BABAM2: variants seen among roughly 807,000 people sequenced by gnomAD.
BABAM2 encodes BRISC and BRCA1 A complex member 2.
Under a neutral mutation model 54.7 loss-of-function variants are expected in BABAM2, and 31 were observed. That is an observed-to-expected ratio of 0.57 (90% confidence interval 0.43 to 0.77). The LOEUF (loss-of-function observed/expected upper bound fraction) is 0.77, where lower values mean the gene tolerates loss of function less well. Ranked by LOEUF, BABAM2 falls within the 30% of genes least tolerant of loss-of-function variation. The pLI is 0.00. For missense variants in BABAM2, 364 were observed against 455.8 expected (o/e 0.80, Z 1.83); for synonymous variants, 167 against 162.9 (o/e 1.03, Z -0.19).
At chr2:27,950,103 A>G (rs966256010) in intron 3 of BABAM2, among the ~76,000 whole-genome samples, 2 of 152,218 alleles carry the variant, frequency 1.3e-5, no homozygotes, top group African/African-American at 4.8e-5. Flanking sequence ...TTTCAGAGAA[A>G]TCAACTGTGG....
chr2:28,076,433 G>A (rs1664670699), intron 6 of BABAM2, among the ~76,000 whole-genome samples: 1 of 151,560 alleles, frequency 6.6e-6, no homozygotes, highest in Admixed American at 6.6e-5. Flanking sequence ...TTAAATCCTA[G>A]ATAACCATTG....
chr2:28,282,233 C>T (rs1054734759), intron 10 of BABAM2, among the ~76,000 whole-genome samples: 1 of 152,144 alleles, frequency 6.6e-6, no homozygotes, highest in African/African-American at 2.4e-5. Flanking sequence ...AAAACAAGGA[C>T]ATGGAAACAT....
chr2:28,118,237 G>A (rs1419154713), intron 6 of BABAM2, among the ~76,000 whole-genome samples: 1 of 152,214 alleles, frequency 6.6e-6, no homozygotes, highest in African/African-American at 2.4e-5. Flanking sequence ...TATATACCCA[G>A]TAATGGGATT....
At chr2:27,937,760 G>A (rs1394783102) in intron 3 of BABAM2, among the ~76,000 whole-genome samples, 1 of 152,046 alleles carries the variant, frequency 6.6e-6, no homozygotes, top group Non-Finnish European at 1.5e-5. Flanking sequence ...TCTGTAGGTT[G>A]TCTCTGCAGT....
At chr2:28,142,988 G>A (rs1169765880) in intron 7 of BABAM2, among the ~76,000 whole-genome samples, 1 of 152,070 alleles carries the variant, frequency 6.6e-6, no homozygotes, top group Non-Finnish European at 1.5e-5. Context: ...TTGTTCACCA[G>A]AGATTGTTCA....
intron 5 of BABAM2, among the ~76,000 whole-genome samples, chr2:28,028,509 G>A (rs1337478297): frequency 6.6e-6 from 1 of 151,872 alleles, no homozygotes; most frequent in Non-Finnish European, 1.5e-5. Context: ...TGTTTATTGT[G>A]TGTCTGTCTT....
chr2:28,026,843 A>AATATATATTTATATATATAGAT (rs1188723845), intron 5 of BABAM2, among the ~76,000 whole-genome samples: 98 of 40,622 alleles, frequency 2.4e-3, no homozygotes, highest in Middle Eastern at 0.015. Context: ...AATATATATA[A>AATATATATTTATATATATAGAT]ATATATATTT....
intron 7 of BABAM2, among the ~76,000 whole-genome samples, chr2:28,235,960 A>G (rs4233724): frequency 0.97 from 146,977 of 152,280 alleles, 71,146 homozygotes; most frequent in Middle Eastern, 1. Context: ...GCAGCCGGCT[A>G]CCCTGAACTC....
At chr2:28,166,792 G>T (rs7580391) in intron 7 of BABAM2, among the ~76,000 whole-genome samples, 10,127 of 152,172 alleles carry the variant, frequency 0.067, 370 homozygotes, top group African/African-American at 0.08. Context: ...ATCTCTTTTT[G>T]ATTTCTCTTA....
At chr2:28,035,292 G>A (rs1003089236) in intron 5 of BABAM2, among the ~76,000 whole-genome samples, 7 of 152,082 alleles carry the variant, frequency 4.6e-5, no homozygotes, top group Admixed American at 2.0e-4. Flanking sequence ...GGAGAGGAGG[G>A]CAAGAGTTGC....
intron 7 of BABAM2, among the ~76,000 whole-genome samples, chr2:28,202,350 C>T (rs1678374449): frequency 6.6e-6 from 1 of 151,962 alleles, no homozygotes; most frequent in African/African-American, 2.4e-5. Context: ...CCATTGAGTC[C>T]CCCCTTCCCT....
chr2:28,106,280 A>G lies in BABAM2; in HGVS notation c.571-22991A>G, dbSNP rs987583587. 7.9e-5 allele frequency among the ~76,000 whole-genome samples: 12 copies of G among 152,142 alleles called. No homozygotes were observed. In the East Asian group the frequency reaches 2.3e-3, roughly 29 times the overall value. On this transcript the variant is annotated intron_variant, in intron 6 of 11. Coordinates refer to ENST00000379624, the MANE Select transcript of BABAM2 (RefSeq NM_199191.3). ...GAAGAATTCAGTTTAGTTTTAAATC[A>G]TTTATCATCATTGTTATTTTTTGTA...
chr2:28,263,150 AGAAAAG>A (rs1477638709), intron 10 of BABAM2, among the ~76,000 whole-genome samples: 1 of 150,370 alleles, frequency 6.7e-6, no homozygotes, highest in Non-Finnish European at 1.5e-5. Flanking sequence ...AAAAAAAAGA[AGAAAAG>A]AAAGGAAGGA....
chr2:28,043,214 C>T (rs1290636567), intron 5 of BABAM2, among the ~76,000 whole-genome samples: 5 of 150,986 alleles, frequency 3.3e-5, no homozygotes, highest in Admixed American at 6.6e-5. Context: ...TTGCAACCTC[C>T]GCCTCCTCCT....
At chr2:28,180,914 A>G (rs771697205) in intron 7 of BABAM2, among the ~76,000 whole-genome samples, 1 of 152,200 alleles carries the variant, frequency 6.6e-6, no homozygotes, top group Non-Finnish European at 1.5e-5. Context: ...GTGAGATAGC[A>G]TTTTATCCCA....
intron 7 of BABAM2, among the ~76,000 whole-genome samples, chr2:28,136,246 C>T (rs1305748658): frequency 6.6e-6 from 1 of 152,252 alleles, no homozygotes; most frequent in Non-Finnish European, 1.5e-5. Flanking sequence ...TCTCAATCAT[C>T]ACCTCCTCCA....
At chr2:27,972,217 G>A (rs1446429910) in intron 3 of BABAM2, among the ~76,000 whole-genome samples, 1 of 152,142 alleles carries the variant, frequency 6.6e-6, no homozygotes, top group Admixed American at 6.5e-5. Flanking sequence ...ATTTAACCTG[G>A]AGAAGAGAAG....
chr2:27,902,926 A>T (rs9309657), intron 2 of BABAM2, among the ~76,000 whole-genome samples: 12,354 of 79,978 alleles, frequency 0.15, 654 homozygotes, highest in Non-Finnish European at 0.24. Context: ...TGTGTGTGTG[A>T]GAGAGAGAGA....
At chr2:28,037,008 A>C (rs1676713884) in intron 5 of BABAM2, among the ~76,000 whole-genome samples, 1 of 152,238 alleles carries the variant, frequency 6.6e-6, no homozygotes, top group African/African-American at 2.4e-5. Flanking sequence ...TCAATGAATG[A>C]ATGAATGAAT....
Sources: allele counts gnomAD v4.1 joint callset (sites outside exome capture counted in the v4.1 genomes callset), GRCh38; gene constraint gnomAD v4.1.1; transcripts MANE v1.5; gene names NCBI Gene and HGNC (gene_info 2026-07-23, HGNC 2026-07-21).